Variants in CTNNA2 observed in about 807,000 individuals in gnomAD.
CTNNA2 encodes the protein catenin alpha 2.
Under a neutral mutation model 101.0 loss-of-function variants are expected in CTNNA2, and 42 were observed. The ratio of observed to expected loss-of-function variants is 0.42; its 90% CI spans 0.32 to 0.54. The LOEUF is 0.54. Ranked by LOEUF, CTNNA2 falls within the 20% of genes least tolerant of loss-of-function variation. CTNNA2 has a pLI of 0.14. For synonymous variants in CTNNA2, 450 were observed against 456.4 expected, an observed-to-expected ratio of 0.99 and a Z score of 0.18; for missense variants, 871 against 1,223.1, an observed-to-expected ratio of 0.71 and a Z score of 4.29.
intron 9 of CTNNA2, among the ~76,000 whole-genome samples, chr2:80,495,494 G>A (rs544455826): frequency 7.2e-4 from 109 of 152,260 alleles, no homozygotes; most frequent in African/African-American, 2.5e-3. Flanking sequence ...AAAAGAAAAG[G>A]AAGAAAGAGA....
In CTNNA2 at chr2:80,302,461, G is replaced by C. The variant is rs1472743378; in HGVS notation, c.1057-90750G>C. On this transcript the variant is annotated intron_variant, in intron 7 of 18. Coordinates refer to ENST00000402739, the MANE Select transcript of CTNNA2 (RefSeq NM_001282597.3). The surrounding 1 kb of genome is among the most constrained non-coding windows in gnomAD (Gnocchi z 6.4). ...GTCTGAGCTGCCTGAGGCTGGCTGG[G>C]AAACACTTCCAGGACACGTAGAGCA... The C allele has an allele frequency of 6.2e-7, 1 of 1,614,164 alleles. No individual in the cohort carries two copies. The highest frequency in any genetic ancestry group is 8.5e-7 in the Non-Finnish European group (1 of 1,180,044).
chr2:80,315,531 G>A (rs759058455), intron 7 of CTNNA2, among the ~76,000 whole-genome samples: 2 of 152,116 alleles, frequency 1.3e-5, no homozygotes, highest in Non-Finnish European at 2.9e-5. Flanking sequence ...GTTCTCTCCC[G>A]CATGTCGTCT....
At chr2:80,340,084 C>T (rs1319615569) in intron 7 of CTNNA2, among the ~76,000 whole-genome samples, 2 of 152,168 alleles carry the variant, frequency 1.3e-5, no homozygotes, top group Non-Finnish European at 2.9e-5. Flanking sequence ...TATTTTTCTT[C>T]TTTCGACTGA....
At chr2:80,056,305 A>G (rs967141043) in intron 7 of CTNNA2, among the ~76,000 whole-genome samples, 2 of 152,216 alleles carry the variant, frequency 1.3e-5, no homozygotes, top group African/African-American at 4.8e-5. Flanking sequence ...ACTTAGTCAC[A>G]TGGTGATTAC....
At chr2:79,824,023 C>A (rs758166448) in intron 3 of CTNNA2, among the ~76,000 whole-genome samples, 4 of 152,062 alleles carry the variant, frequency 2.6e-5, no homozygotes, top group Admixed American at 1.3e-4. Context: ...AAATCACACT[C>A]AAAAGAGGGA....
chr2:80,276,528 A>G (rs138443180), intron 7 of CTNNA2, among the ~76,000 whole-genome samples: 11 of 152,336 alleles, frequency 7.2e-5, no homozygotes, highest in Middle Eastern at 3.4e-3. Flanking sequence ...TGCAGACTCT[A>G]TAAGAAGCAT....
At chr2:79,753,631 A>G (rs1180155262) in intron 3 of CTNNA2, among the ~76,000 whole-genome samples, 1 of 152,212 alleles carries the variant, frequency 6.6e-6, no homozygotes, top group African/African-American at 2.4e-5. Context: ...GTATTTGGCC[A>G]GCGTGTAGAT....
chr2:79,779,675 A>G (rs533094309), intron 3 of CTNNA2, among the ~76,000 whole-genome samples: 5 of 152,114 alleles, frequency 3.3e-5, no homozygotes, highest in Non-Finnish European at 7.3e-5. Context: ...TCTTTATACT[A>G]CCCATGATGA....
intron 1 of CTNNA2, among the ~76,000 whole-genome samples, chr2:79,550,057 G>A (rs1673995754): frequency 6.6e-6 from 1 of 152,120 alleles, no homozygotes; most frequent in Non-Finnish European, 1.5e-5. Context: ...TGACTGTCTT[G>A]CATTCTCCAA....
chr2:79,253,279 G>A (rs1674796813), intron 2 of CTNNA2, among the ~76,000 whole-genome samples: 1 of 152,082 alleles, frequency 6.6e-6, no homozygotes, highest in South Asian at 2.1e-4. Flanking sequence ...GTGCAGTGTT[G>A]GAATATTTGC....
Position 80,166,911 on chromosome 2 carries a change from CT to C in CTNNA2, c.1057-226291del, listed in dbSNP as rs138274641. 7.7e-3 allele frequency among the ~76,000 whole-genome samples: 1,161 copies of C among 151,028 alleles called. 22 individuals carry two copies. The highest frequency in any genetic ancestry group is 0.046 in the Admixed American group (690 of 15,128). On this transcript the variant is annotated intron_variant, in intron 7 of 18. Coordinates refer to ENST00000402739, the MANE Select transcript of CTNNA2 (RefSeq NM_001282597.3). The stretch of plus-strand genomic sequence containing the variant: ...AGTTTGTTTTTCTTTTAGGTTGGGT[CT>C]TTTTTTTTGTCTGTGCCGTCAGCTT...
chr2:80,328,953 G>A (rs1315172138), intron 7 of CTNNA2, among the ~76,000 whole-genome samples: 2 of 152,134 alleles, frequency 1.3e-5, no homozygotes, highest in East Asian at 3.9e-4. Context: ...TTCCATTACA[G>A]TCTTATGGGA....
intron 3 of CTNNA2, among the ~76,000 whole-genome samples, chr2:79,318,817 G>A (rs896102444): frequency 6.6e-6 from 1 of 152,146 alleles, no homozygotes; most frequent in Non-Finnish European, 1.5e-5. Context: ...AGCCTAAAAT[G>A]TTTACGTTCT....
At chr2:80,251,235 C>T (rs1471447204) in intron 7 of CTNNA2, among the ~76,000 whole-genome samples, 6 of 152,044 alleles carry the variant, frequency 3.9e-5, no homozygotes, top group Admixed American at 1.3e-4. Flanking sequence ...GTCCGGCACC[C>T]GGCATGTTCC....
chr2:80,541,498 A>C (rs1477298415), intron 9 of CTNNA2, among the ~76,000 whole-genome samples: 1 of 152,196 alleles, frequency 6.6e-6, no homozygotes, highest in East Asian at 1.9e-4. Flanking sequence ...AATAGAGTTT[A>C]ATTTAAACAA....
rs527893189 is a variant in CTNNA2 at position 80,068,828 on chromosome 2, T to C, written c.1056+159031T>C. Among the ~76,000 whole-genome samples the C allele has an allele frequency of 6.5e-4, 99 of 152,254 alleles. 3 individuals carry two copies. In the South Asian group the frequency reaches 0.02, roughly 31 times the overall value. ...CACATGTTTTCGTATGAGACTCTGT[T>C]CTTATACCCCTGACTAGTGGCAGAT... On this transcript the variant is annotated intron_variant, in intron 7 of 18. Transcript: ENST00000402739.
At chr2:79,560,290 A>C (rs1674696078) in intron 1 of CTNNA2, among the ~76,000 whole-genome samples, 1 of 150,674 alleles carries the variant, frequency 6.6e-6, no homozygotes, top group Non-Finnish European at 1.5e-5. Context: ...GATGAATTAC[A>C]AGGCATTAGA....
chr2:79,951,282 C>G (rs1688861269), intron 7 of CTNNA2, among the ~76,000 whole-genome samples: 1 of 152,156 alleles, frequency 6.6e-6, no homozygotes, highest in Non-Finnish European at 1.5e-5. Flanking sequence ...CACAGCCACC[C>G]CGCCCAAAGA....
intron 7 of CTNNA2, among the ~76,000 whole-genome samples, chr2:80,022,200 C>T (rs1025183758): frequency 1.3e-5 from 2 of 152,158 alleles, no homozygotes; most frequent in African/African-American, 4.8e-5. Flanking sequence ...TGATAGGTAT[C>T]TATTCTTTTG....
Sources: gnomAD v4.1 joint callset for allele counts (sites outside exome capture counted in the v4.1 genomes callset) on GRCh38, gnomAD v4.1.1 for gene constraint, Gnocchi (gnomAD v3.1) non-coding constraint, MANE v1.5 for transcripts, NCBI Gene and HGNC (gene_info 2026-07-23, HGNC 2026-07-21) for gene names.